SMYD3: variants seen among roughly 807,000 people sequenced by gnomAD.
SMYD3 encodes the protein histone-lysine N-methyltransferase SMYD3.
In SMYD3, 36 loss-of-function variants were observed where a neutral mutation model predicts 57.7. That is an observed-to-expected ratio of 0.62 (90% CI 0.48 to 0.82). SMYD3 has a LOEUF of 0.82. SMYD3 is among the 40% of genes least tolerant of loss of function. The pLI is 0.00. For missense variants in SMYD3, 515 were observed against 538.8 expected (o/e 0.96, Z 0.44); for synonymous variants, 211 against 195.0 (o/e 1.08, Z -0.68).
chr1:246,107,131 C>A (rs1553290863), intron 5 of SMYD3, among the ~76,000 whole-genome samples: 1 of 142,628 alleles, frequency 7.0e-6, no homozygotes, highest in African/African-American at 2.7e-5. Context: ...ACTAAAAATA[C>A]AAAAAATTAG....
intron 5 of SMYD3, among the ~76,000 whole-genome samples, chr1:246,296,949 C>A (rs898825643): frequency 6.6e-6 from 1 of 152,044 alleles, no homozygotes; most frequent in Admixed American, 6.6e-5. Context: ...AGGAAGCTAA[C>A]AATCGATGAA....
chr1:246,401,937 G>A (rs780871630), intron 1 of SMYD3, among the ~76,000 whole-genome samples: 1 of 152,034 alleles, frequency 6.6e-6, no homozygotes, highest in African/African-American at 2.4e-5. Context: ...GGTCAGGCTG[G>A]TCTCGAACTC....
intron 5 of SMYD3, among the ~76,000 whole-genome samples, chr1:246,255,659 C>T (rs904584315): frequency 6.6e-5 from 10 of 151,856 alleles, no homozygotes; most frequent in African/African-American, 2.4e-4. Context: ...TGTGTCTTCA[C>T]CAGGTTTTGG....
intron 5 of SMYD3, among the ~76,000 whole-genome samples, chr1:246,137,842 G>A (rs1010530527): frequency 2.1e-4 from 32 of 152,068 alleles, no homozygotes; most frequent in African/African-American, 7.7e-4. Context: ...ATTACATTTT[G>A]TATATAATTC....
intron 5 of SMYD3, chr1:246,179,190 G>A (rs191092539): frequency 6.5e-6 from 1 of 154,356 alleles, no homozygotes; most frequent in African/African-American, 2.4e-5. Flanking sequence ...CCAAAGAAGA[G>A]GAGCAGTCAA....
intron 8 of SMYD3, among the ~76,000 whole-genome samples, chr1:245,907,045 A>G (rs1473481076): frequency 1.3e-5 from 2 of 152,068 alleles, no homozygotes; most frequent in Non-Finnish European, 2.9e-5. Flanking sequence ...AGAGAGTAGA[A>G]GGAGGCTTCC....
chr1:246,438,629 T>C (rs960264685), intron 1 of SMYD3, among the ~76,000 whole-genome samples: 1 of 152,154 alleles, frequency 6.6e-6, no homozygotes, highest in African/African-American at 2.4e-5. Context: ...TATCCTCTTG[T>C]ATACTTTATA....
chr1:246,306,992 G>GA (rs150830742), intron 5 of SMYD3, among the ~76,000 whole-genome samples: 27,427 of 145,574 alleles, frequency 0.19, 2,752 homozygotes, highest in East Asian at 0.43. Context: ...TCTTAAGAAT[G>GA]AAAAAAAAAA....
At chr1:246,243,222 A>T (rs1294724521) in intron 5 of SMYD3, among the ~76,000 whole-genome samples, 1 of 151,952 alleles carries the variant, frequency 6.6e-6, no homozygotes, top group East Asian at 1.9e-4. Context: ...CTGTTCCGTG[A>T]TCTTCTAGAA....
chr1:246,031,697 A>C (rs1482551023), intron 5 of SMYD3, among the ~76,000 whole-genome samples: 1 of 150,902 alleles, frequency 6.6e-6, no homozygotes, highest in Non-Finnish European at 1.5e-5. Flanking sequence ...AGATCGCGCC[A>C]CTGCACTCCA....
At chr1:246,376,123 A>G in intron 1 of SMYD3, among the ~76,000 whole-genome samples, 1 of 152,162 alleles carries the variant, frequency 6.6e-6, no homozygotes, top group Non-Finnish European at 1.5e-5. Flanking sequence ...GTGATAAAGG[A>G]ATGTCTGGAA....
chr1:246,217,827 G>A (rs979199520), intron 5 of SMYD3, among the ~76,000 whole-genome samples: 1 of 152,142 alleles, frequency 6.6e-6, no homozygotes, highest in African/African-American at 2.4e-5. Context: ...TGCTGGTGAA[G>A]ATGGTTCAGT....
chr1:246,498,188 T>G (rs940885710), intron 1 of SMYD3, among the ~76,000 whole-genome samples: 1 of 152,160 alleles, frequency 6.6e-6, no homozygotes, highest in Non-Finnish European at 1.5e-5. Context: ...GAATCTACCC[T>G]GAAGATACAC....
intron 5 of SMYD3, among the ~76,000 whole-genome samples, chr1:246,256,179 T>C (rs553026124): frequency 6.6e-6 from 1 of 152,228 alleles, no homozygotes; most frequent in South Asian, 2.1e-4. Flanking sequence ...GCATCCAGCA[T>C]GGGAGAAAGA....
chr1:246,407,270 G>T (rs2066882328), intron 1 of SMYD3, among the ~76,000 whole-genome samples: 1 of 152,166 alleles, frequency 6.6e-6, no homozygotes. Flanking sequence ...ATTTAATATA[G>T]TTCTAAGATT....
rs12024312 is a variant in SMYD3, at chr1:245,873,818, T to C, written c.814-9932A>G. ...TGTGCTGTTGGCATGTAAGACTGTGTGACAGGCAGCACTACGGAAGTGGAA... is the reference window on the plus strand; with the variant it reads ...TGTGCTGTTGGCATGTAAGACTGTGCGACAGGCAGCACTACGGAAGTGGAA... On this transcript the variant is annotated intron_variant, in intron 8 of 11. Transcript: ENST00000490107. Among the ~76,000 whole-genome samples, 44 of 152,312 alleles carry C rather than the reference T, an allele frequency of 2.9e-4. No individual in the cohort carries two copies. In the East Asian group the frequency reaches 8.5e-3, roughly 29 times the overall value.
intron 10 of SMYD3, among the ~76,000 whole-genome samples, chr1:245,808,616 C>G (rs2048306790): frequency 6.6e-6 from 1 of 152,182 alleles, no homozygotes; most frequent in Non-Finnish European, 1.5e-5. Flanking sequence ...GCCTTCTCAA[C>G]TTGCTGAGGC....
At chr1:245,858,277 G>A (rs142803766) in intron 10 of SMYD3, among the ~76,000 whole-genome samples, 74 of 152,242 alleles carry the variant, frequency 4.9e-4, no homozygotes, top group African/African-American at 1.6e-3. Context: ...GTACACCCAC[G>A]GTGTCTGACA....
intron 5 of SMYD3, among the ~76,000 whole-genome samples, chr1:246,104,654 A>G (rs1481798076): frequency 1.3e-5 from 2 of 152,164 alleles, no homozygotes; most frequent in Non-Finnish European, 2.9e-5. Context: ...AAAATAACAC[A>G]AGCCTTTCGC....
Sources: allele counts gnomAD v4.1 joint callset (sites outside exome capture counted in the v4.1 genomes callset), GRCh38; gene constraint gnomAD v4.1.1; transcripts MANE v1.5; gene names NCBI Gene and HGNC (gene_info 2026-07-23, HGNC 2026-07-21).